The following PAPPA variants were observed in gnomAD, a reference collection of about 807,000 sequenced individuals.
The protein encoded by PAPPA is pappalysin-1.
A neutral mutation model predicts 164.0 loss-of-function variants in PAPPA; 60 were observed. The ratio of observed to expected loss-of-function variants is 0.37; its 90% confidence interval spans 0.30 to 0.45. The LOEUF (loss-of-function observed/expected upper bound fraction) is 0.45, where lower values mean the gene tolerates loss of function less well. Among genes scored for constraint, PAPPA ranks in the 20% least tolerant of loss-of-function variants. PAPPA has a pLI of 1.00. For synonymous variants in PAPPA, 875 were observed against 814.1 expected (o/e 1.07, Z -1.27); for missense variants, 1,782 against 2,087.3 (o/e 0.85, Z 2.85).
At position 116,235,597 on chromosome 9, in the gene PAPPA, G is replaced by A. The variant is rs1169967335; in HGVS notation, c.2692G>A (p.Val898Met). Reference protein sequence around the residue: ...VVRDPPLQMDVASILHLNRKF... With the variant: ...VVRDPPLQMDMASILHLNRKF... Reference sequence around the variant, plus strand: ...CCGGGACCCTCCTCTCCAGATGGATGTGGCCTCCATCCTACATCTCAATAG... The same window carrying A: ...CCGGGACCCTCCTCTCCAGATGGATATGGCCTCCATCCTACATCTCAATAG... The change falls in exon 7 of 22, where the codon GTG (valine) becomes ATG (methionine). Residue 898 changes from valine to methionine, a missense_variant. Coordinates refer to ENST00000328252, the MANE Select transcript of PAPPA (RefSeq NM_002581.5). The A allele has an allele frequency of 3.1e-6, 5 of 1,613,274 alleles. No individual in the cohort carries two copies. The highest frequency in any genetic ancestry group is 2.2e-5 in the East Asian group (1 of 44,888).
Position 116,354,842 on chromosome 9 carries a change from C to T in PAPPA, c.4347+1049C>T, listed in dbSNP as rs568252295. 3.9e-5 allele frequency among the ~76,000 whole-genome samples: 6 copies of T among 152,282 alleles called. No individual in the cohort carries two copies. In the South Asian group the frequency reaches 1.2e-3, roughly 32 times the overall value. Reference sequence around the variant, plus strand: ...GAGCAATTATGTCAATCTCTCTGAACCAGGAGCCCCCGTCCCTTAGGATAA... The same window carrying T: ...GAGCAATTATGTCAATCTCTCTGAATCAGGAGCCCCCGTCCCTTAGGATAA... On this transcript the variant is annotated intron_variant, in intron 17 of 21. Coordinates refer to ENST00000328252, the MANE Select transcript of PAPPA (RefSeq NM_002581.5).
At chr9:116,310,235 C>G (rs990267467) in intron 10 of PAPPA, among the ~76,000 whole-genome samples, 1 of 152,206 alleles carries the variant, frequency 6.6e-6, no homozygotes, top group African/African-American at 2.4e-5. Context: ...AAGCATTCAT[C>G]TCCTCTCATT....
chr9:116,380,876 G>T (rs1174311983), intron 20 of PAPPA, among the ~76,000 whole-genome samples: 1 of 152,228 alleles, frequency 6.6e-6, no homozygotes, highest in African/African-American at 2.4e-5. Context: ...ATGCCACATG[G>T]GATGGAGCTT....
At chr9:116,329,531 T>A (rs1180229235) in intron 10 of PAPPA, among the ~76,000 whole-genome samples, 1 of 152,142 alleles carries the variant, frequency 6.6e-6, no homozygotes, top group Non-Finnish European at 1.5e-5. Flanking sequence ...TGACTCCCGG[T>A]GTCATTTCCT....
At chr9:116,391,043 C>T (rs1846885813) in intron 21 of PAPPA, among the ~76,000 whole-genome samples, 1 of 152,140 alleles carries the variant, frequency 6.6e-6, no homozygotes. Flanking sequence ...AAGTAACTTG[C>T]CGGATAGCAT....
rs1305969883 is a variant in PAPPA at position 116,309,022 on chromosome 9, AGG to A, written c.3147+6073_3147+6074del. ...TTGTCACAAGCTATGTGCTATACAT[AGG>A]AAACCTTAAAATGTCAGTGAAAGGG... On this transcript the variant is annotated intron_variant, in intron 10 of 21. Coordinates refer to ENST00000328252, the MANE Select transcript of PAPPA (RefSeq NM_002581.5). Among the ~76,000 whole-genome samples, 16 of 152,300 alleles carry A rather than the reference AGG, an allele frequency of 1.1e-4. No homozygotes were observed. The East Asian group carries it at 3.1e-3, about 29-fold the overall frequency.
intron 1 of PAPPA, among the ~76,000 whole-genome samples, chr9:116,163,020 G>C (rs1261639764): frequency 1.3e-5 from 2 of 152,158 alleles, no homozygotes; most frequent in African/African-American, 2.4e-5. Flanking sequence ...CAAGAGACCA[G>C]GTAAAATTTG....
intron 7 of PAPPA, among the ~76,000 whole-genome samples, chr9:116,263,770 T>C (rs932590712): frequency 6.6e-6 from 1 of 152,116 alleles, no homozygotes; most frequent in Non-Finnish European, 1.5e-5. Context: ...TGATATTTAT[T>C]GAGGAAAAGG....
At chr9:116,282,322 A>G (rs1396345959) in intron 9 of PAPPA, among the ~76,000 whole-genome samples, 2 of 152,206 alleles carry the variant, frequency 1.3e-5, no homozygotes, top group African/African-American at 4.8e-5. Flanking sequence ...ATGTCTATAC[A>G]TGTTTAGTAC....
rs78706913 is a variant in PAPPA at position 116,159,281 on chromosome 9, G to A, written c.415+4694G>A. ...ACATGCAAAAAGTACCCAGTGCAGT[G>A]TCAACTTGTATTAGAGACTCAGTCA... On this transcript the variant is annotated intron_variant, in intron 1 of 21. Transcript: ENST00000328252. 5.1e-3 allele frequency among the ~76,000 whole-genome samples: 783 copies of A among 152,316 alleles called. 10 individuals carry two copies. Among genetic ancestry groups the A allele is most frequent in the African/African-American group, 0.018 (753 of 41,568 alleles).
At chr9:116,299,267 C>A (rs1845549116) in intron 9 of PAPPA, among the ~76,000 whole-genome samples, 1 of 152,118 alleles carries the variant, frequency 6.6e-6, no homozygotes, top group Non-Finnish European at 1.5e-5. Context: ...CTTTTTAACT[C>A]CATCTTATTT....
intron 21 of PAPPA, among the ~76,000 whole-genome samples, chr9:116,391,008 A>G (rs1292661843): frequency 6.6e-6 from 1 of 152,232 alleles, no homozygotes; most frequent in Non-Finnish European, 1.5e-5. Flanking sequence ...TTTTACAGAT[A>G]GAGAAACTGA....
intron 2 of PAPPA, among the ~76,000 whole-genome samples, chr9:116,196,598 G>A (rs1263185128): frequency 6.6e-6 from 1 of 152,206 alleles, no homozygotes; most frequent in East Asian, 1.9e-4. Flanking sequence ...CACCTCCTGA[G>A]AGGGAACCTC....
chr9:116,251,557 G>C (rs867944152), intron 7 of PAPPA, among the ~76,000 whole-genome samples: 1 of 152,114 alleles, frequency 6.6e-6, no homozygotes, highest in Admixed American at 6.5e-5. Flanking sequence ...CTGTCACTGG[G>C]GCCCTCCGTT....
chr9:116,264,344 C>T (rs183982135), intron 7 of PAPPA, among the ~76,000 whole-genome samples: 45 of 152,336 alleles, frequency 3.0e-4, no homozygotes, highest in African/African-American at 1.0e-3. Context: ...GTATGTCCAC[C>T]TATTTCATCT....
chr9:116,365,556 T>TG (rs1846489897), intron 18 of PAPPA, among the ~76,000 whole-genome samples: 1 of 128,894 alleles, frequency 7.8e-6, no homozygotes, highest in Non-Finnish European at 1.8e-5. Context: ...CAACCGTTTT[T>TG]TTTTTTTTTT....
chr9:116,311,753 C>T (rs1032891267), intron 10 of PAPPA, among the ~76,000 whole-genome samples: 24 of 152,162 alleles, frequency 1.6e-4, no homozygotes, highest in Admixed American at 1.2e-3. Context: ...TACGTGGCTA[C>T]GTCTTGCGAG....
chr9:116,207,494 A>C lies in PAPPA; in HGVS notation c.1517A>C (p.Lys506Thr). Residue 506 changes from lysine (K) to threonine (T), a missense_variant, in exon 3 of 22, where the codon AAA becomes ACA. Around this residue, in one of 2 missense-constraint regions of PAPPA, gnomAD observed 1,324 missense variants for 1,656.9 expected, o/e 0.80. Coordinates refer to ENST00000328252, the MANE Select transcript of PAPPA (RefSeq NM_002581.5). ...LDVNELKNILKLDGSTHLNIF... is the reference protein window; with the variant it reads ...LDVNELKNILTLDGSTHLNIF... ...GTTAATGAGCTGAAGAACATTCTTA[A>C]ATTGGATGGATCAACACATCTCAAT... 1 of 1,613,034 alleles carries C rather than the reference A, an allele frequency of 6.2e-7. No homozygotes were observed. The highest frequency in any genetic ancestry group is 8.5e-7 in the Non-Finnish European group (1 of 1,179,318).
chr9:116,399,487 T>C lies in PAPPA; in HGVS notation c.*2871T>C, dbSNP rs541425390. 3 of 152,750 alleles carry C rather than the reference T, an allele frequency of 2.0e-5. No individual in the cohort carries two copies. In the East Asian group the frequency reaches 5.8e-4, roughly 29 times the overall value. 9.5% of individuals were successfully genotyped at this position (152,750 alleles called of 1,614,324 possible). On this transcript the variant is annotated 3_prime_UTR_variant, in exon 22 of 22. Transcript: ENST00000328252. ...TCATTTCATTCCTTCAGTCATCTTCTGTGTAGGTGACCGGAGCACTGAGAG... is the reference window on the plus strand; with the variant it reads ...TCATTTCATTCCTTCAGTCATCTTCCGTGTAGGTGACCGGAGCACTGAGAG...
Sources: gnomAD v4.1 joint callset for allele counts (sites outside exome capture counted in the v4.1 genomes callset) on GRCh38, gnomAD v4.1.1 for gene constraint, gnomAD v4.1.1 regional missense constraint, MANE v1.5 for transcripts, NCBI Gene and HGNC (gene_info 2026-07-23, HGNC 2026-07-21) for gene names.